Variants in CSMD1 observed in about 807,000 individuals in gnomAD.
CSMD1 encodes the protein CUB and sushi domain-containing protein 1.
CSMD1 carries 213 observed loss-of-function variants against 417.5 expected under a neutral mutation model. That is an observed-to-expected ratio of 0.51 (90% CI 0.46 to 0.57). The LOEUF is 0.57. CSMD1 is among the 20% of genes least tolerant of loss of function. The pLI, the probability that CSMD1 is intolerant of heterozygous loss-of-function variation, is 0.00. For synonymous variants in CSMD1, 2,862 were observed against 1,736.8 expected (o/e 1.65, Z -16.11); for missense variants, 6,923 against 4,529.7 (o/e 1.53, Z -15.17).
intron 2 of CSMD1, among the ~76,000 whole-genome samples, chr8:4,433,829 G>A (rs1369949857): frequency 6.8e-6 from 1 of 147,740 alleles, no homozygotes; most frequent in Non-Finnish European, 1.5e-5. Context: ...AATGAATCTG[G>A]AAAAAAAGGG....
intron 8 of CSMD1, among the ~76,000 whole-genome samples, chr8:3,592,798 C>A (rs144070305): frequency 1.9e-3 from 291 of 152,268 alleles, no homozygotes; most frequent in Admixed American, 3.1e-3. Context: ...TTAAAAGTTA[C>A]AGACTTCCAA....
intron 1 of CSMD1, among the ~76,000 whole-genome samples, chr8:4,749,342 T>G (rs918699364): frequency 1.3e-5 from 2 of 152,234 alleles, no homozygotes; most frequent in Non-Finnish European, 2.9e-5. Context: ...ACATTAAACG[T>G]AAAAGCCATT....
chr8:3,656,252 G>T (rs1171533522), intron 7 of CSMD1, among the ~76,000 whole-genome samples: 1 of 152,152 alleles, frequency 6.6e-6, no homozygotes, highest in South Asian at 2.1e-4. Flanking sequence ...AAACAGGAAG[G>T]AAAGGAGAAA....
chr8:2,963,527 A>G, intron 59 of CSMD1, 132 bp from the exon 60 acceptor site: 2 of 845,172 alleles, frequency 2.4e-6, no homozygotes, highest in Admixed American at 2.4e-5. Flanking sequence ...AAAATAATAA[A>G]AGAATTGCCA....
intron 1 of CSMD1, among the ~76,000 whole-genome samples, chr8:4,881,579 C>G (rs567040203): frequency 6.8e-6 from 1 of 146,158 alleles, no homozygotes; most frequent in Non-Finnish European, 1.5e-5. Context: ...ATATATTTTA[C>G]AAGCTCAAAT....
At chr8:3,112,785 A>C (rs1272155381) in intron 42 of CSMD1, among the ~76,000 whole-genome samples, 3 of 152,206 alleles carry the variant, frequency 2.0e-5, no homozygotes, top group African/African-American at 7.2e-5. Context: ...GGAAAATAAC[A>C]GACGCTCATC....
At chr8:3,264,670 G>C (rs1801305834) in intron 26 of CSMD1, among the ~76,000 whole-genome samples, 1 of 152,120 alleles carries the variant, frequency 6.6e-6, no homozygotes, top group East Asian at 1.9e-4. Context: ...TCAAAACTGT[G>C]GGGTCGTAAA....
At position 4,134,514 on chromosome 8, in the gene CSMD1, G is replaced by T. The variant is rs149923936; in HGVS notation, c.416-102415C>A. On this transcript the variant is annotated intron_variant, in intron 3 of 69. Transcript: ENST00000635120. Reference sequence around the variant, plus strand: ...TCTCCGACTTCCAGCCTCCAGAACTGTGAGAAGATAACTCTTGTTGTTTAA... The same window carrying T: ...TCTCCGACTTCCAGCCTCCAGAACTTTGAGAAGATAACTCTTGTTGTTTAA... Among the ~76,000 whole-genome samples, 12 of 152,318 alleles carry T rather than the reference G, an allele frequency of 7.9e-5. No individual in the cohort carries two copies. In the East Asian group the frequency reaches 2.3e-3, roughly 29 times the overall value.
chr8:4,397,550 T>C (rs1804331620), intron 3 of CSMD1, among the ~76,000 whole-genome samples: 1 of 143,742 alleles, frequency 7.0e-6, no homozygotes, highest in Admixed American at 7.0e-5. Flanking sequence ...TTTTTTTTTT[T>C]TTGAGACGGA....
At chr8:3,824,084 A>G (rs536793350) in intron 5 of CSMD1, among the ~76,000 whole-genome samples, 1 of 152,312 alleles carries the variant, frequency 6.6e-6, no homozygotes, top group Non-Finnish European at 1.5e-5. Flanking sequence ...AGAAAACAAA[A>G]ATGTCACAGT....
intron 2 of CSMD1, among the ~76,000 whole-genome samples, chr8:4,500,569 AAAG>A (rs1266242542): frequency 3.3e-5 from 5 of 152,238 alleles, no homozygotes; most frequent in East Asian, 1.9e-4. Context: ...CTGTTACTAA[AAAG>A]AAGAACAGGA....
chr8:4,139,360 G>C (rs553648709), intron 3 of CSMD1, among the ~76,000 whole-genome samples: 1 of 152,302 alleles, frequency 6.6e-6, no homozygotes, highest in East Asian at 1.9e-4. Flanking sequence ...TGACCAGGTA[G>C]AGGGTATCAC....
At chr8:4,731,061 C>T (rs1039627434) in intron 1 of CSMD1, among the ~76,000 whole-genome samples, 1 of 152,156 alleles carries the variant, frequency 6.6e-6, no homozygotes, top group African/African-American at 2.4e-5. Flanking sequence ...GTCTGTGGGT[C>T]TTGACTCCTG....
At chr8:4,764,546 G>A (rs1433302102) in intron 1 of CSMD1, among the ~76,000 whole-genome samples, 1 of 152,022 alleles carries the variant, frequency 6.6e-6, no homozygotes, top group Non-Finnish European at 1.5e-5. Flanking sequence ...GCCCAAATTG[G>A]AAACCAGCCA....
chr8:4,914,779 G>C (rs1020200967), intron 1 of CSMD1, among the ~76,000 whole-genome samples: 3 of 152,138 alleles, frequency 2.0e-5, no homozygotes, highest in African/African-American at 7.2e-5. Flanking sequence ...ACCTGCATGA[G>C]TTCCCATGTA....
chr8:3,809,541 T>G (rs146523847), intron 5 of CSMD1, among the ~76,000 whole-genome samples: 1 of 152,186 alleles, frequency 6.6e-6, no homozygotes, highest in African/African-American at 2.4e-5. Flanking sequence ...TTCTCAAACA[T>G]TGCCATGCAT....
At chr8:3,289,695 T>A (rs544535004) in intron 25 of CSMD1, among the ~76,000 whole-genome samples, 1 of 147,378 alleles carries the variant, frequency 6.8e-6, no homozygotes, top group South Asian at 2.1e-4. Flanking sequence ...CTTGAAAATT[T>A]GTTGGAGTTC....
chr8:4,195,662 G>T (rs1485606719), intron 3 of CSMD1, among the ~76,000 whole-genome samples: 2 of 152,184 alleles, frequency 1.3e-5, no homozygotes, highest in Non-Finnish European at 2.9e-5. Context: ...TTCTAGGCAT[G>T]ATGAAGCAGA....
chr8:3,761,662 C>T (rs1320785725), intron 5 of CSMD1, among the ~76,000 whole-genome samples: 1 of 151,958 alleles, frequency 6.6e-6, no homozygotes, highest in Non-Finnish European at 1.5e-5. Flanking sequence ...CAAACCACCA[C>T]ACCTGGCTAA....
Sources: allele counts gnomAD v4.1 joint callset (sites outside exome capture counted in the v4.1 genomes callset), GRCh38; gene constraint gnomAD v4.1.1; transcripts MANE v1.5; gene names NCBI Gene and HGNC (gene_info 2026-07-23, HGNC 2026-07-21).